The following SLC66A3 variants were observed in gnomAD, a reference collection of about 807,000 sequenced individuals.
SLC66A3 encodes solute carrier family 66 member 3.
In SLC66A3, 23 loss-of-function variants were observed where a neutral mutation model predicts 25.5. The observed-to-expected ratio is 0.90, with a 90% confidence interval of 0.65 to 1.28. The LOEUF (loss-of-function observed/expected upper bound fraction) is 1.28, where lower values mean the gene tolerates loss of function less well. Ranked by LOEUF, SLC66A3 falls within the 50% of genes most tolerant of loss-of-function variation. The probability of loss-of-function intolerance (pLI) is 0.00; values close to 1 mark genes in which losing one functional copy is unlikely to be tolerated. For synonymous variants in SLC66A3, 108 were observed against 112.6 expected (o/e 0.96, Z 0.26); for missense variants, 246 against 262.1 (o/e 0.94, Z 0.42).
At chr2:11,169,971 TGGGACTAC>T in intron 4 of SLC66A3, among the ~76,000 whole-genome samples, 1 of 150,300 alleles carries the variant, frequency 6.7e-6, no homozygotes, top group East Asian at 2.0e-4. Context: ...CCCGAGTAGC[TGGGACTAC>T]AGGCACGTGC....
intron 3 of SLC66A3, among the ~76,000 whole-genome samples, chr2:11,162,962 G>C (rs1487502153): frequency 1.3e-5 from 2 of 152,188 alleles, no homozygotes; most frequent in African/African-American, 4.8e-5. Context: ...TTATTGGCCA[G>C]GTGTAGCGGC....
At chr2:11,174,856 TTAAAAA>T (rs1326661588) in intron 5 of SLC66A3, 106 bp from the exon 6 acceptor site, 1 of 590,164 alleles carries the variant, frequency 1.7e-6, no homozygotes, top group African/African-American at 1.9e-5. Context: ...TAAAAATAAT[TTAAAAA>T]TAATGGTTAA....
intron 4 of SLC66A3, among the ~76,000 whole-genome samples, chr2:11,171,688 C>T (rs1662558419): frequency 6.6e-6 from 1 of 152,096 alleles, no homozygotes; most frequent in Admixed American, 6.6e-5. Flanking sequence ...CCTGCCTCAG[C>T]CTCCCGAGTA....
At chr2:11,167,360 T>C (rs1452989971) in intron 4 of SLC66A3, among the ~76,000 whole-genome samples, 6 of 152,050 alleles carry the variant, frequency 3.9e-5, no homozygotes, top group Non-Finnish European at 7.4e-5. Flanking sequence ...GGAGAATCGC[T>C]TGAACCCGGG....
chr2:11,170,831 C>T (rs1008680928), intron 4 of SLC66A3, among the ~76,000 whole-genome samples: 1 of 151,456 alleles, frequency 6.6e-6, no homozygotes, highest in Non-Finnish European at 1.5e-5. Context: ...CCTTGTGATT[C>T]GTCCGCCTCA....
chr2:11,165,225 G>T (rs181314178), intron 4 of SLC66A3, among the ~76,000 whole-genome samples: 4 of 150,834 alleles, frequency 2.7e-5, no homozygotes, highest in Non-Finnish European at 5.9e-5. Flanking sequence ...CTTCCCAGAC[G>T]GGCTGGCTGC....
At position 11,178,646 on chromosome 2, in the gene SLC66A3, G is replaced by A. The variant is rs1662856364; in HGVS notation, c.*818G>A. On this transcript the variant is annotated 3_prime_UTR_variant, in exon 7 of 7. Coordinates refer to ENST00000295083, the MANE Select transcript of SLC66A3 (RefSeq NM_152391.5). ...TAAATGGTGTTGTTAGGTAGGTTCT[G>A]TCCAGTTCTTAGGGACTTTTTTCAC... 6.6e-6 allele frequency: 1 copy of A among 152,474 alleles called. No individual in the cohort carries two copies. The allele number at this position is 152,474 out of a possible 1,614,324, so 9.4% of individuals were successfully genotyped here. A position where few individuals can be genotyped will look rare whatever the true frequency, so the allele number is the denominator to read the frequency against.
intron 4 of SLC66A3, among the ~76,000 whole-genome samples, chr2:11,168,484 A>C (rs1662431296): frequency 6.6e-6 from 1 of 152,192 alleles, no homozygotes; most frequent in South Asian, 2.1e-4. Context: ...AATCTGGTAG[A>C]ATATCTAGCA....
At chr2:11,164,836 G>T (rs573168755) in intron 4 of SLC66A3, among the ~76,000 whole-genome samples, 225 of 152,266 alleles carry the variant, frequency 1.5e-3, no homozygotes, top group African/African-American at 4.8e-3. Flanking sequence ...ACATGTTTCA[G>T]AGAGCACTGG....
chr2:11,157,952 C>T (rs550070640), intron 1 of SLC66A3, among the ~76,000 whole-genome samples: 19 of 152,338 alleles, frequency 1.2e-4, no homozygotes, highest in Admixed American at 7.2e-4. Flanking sequence ...TGCCTGCAGC[C>T]TTCCATGGAC....
At chr2:11,157,179 G>T (rs61366140) in intron 1 of SLC66A3, among the ~76,000 whole-genome samples, 290 of 152,312 alleles carry the variant, frequency 1.9e-3, no homozygotes, top group African/African-American at 6.6e-3. Flanking sequence ...GCTCCTATTA[G>T]ATCTGCCAGC....
At chr2:11,161,275 T>TTG (rs72534582) in intron 3 of SLC66A3, among the ~76,000 whole-genome samples, 163 of 148,396 alleles carry the variant, frequency 1.1e-3, no homozygotes, top group Middle Eastern at 6.8e-3. Flanking sequence ...TTTTTTTTTT[T>TTG]GTTTCATTTT....
chr2:11,177,884 G>T lies in SLC66A3; in HGVS notation c.*56G>T, dbSNP rs1450531327. The T allele has an allele frequency of 1.9e-6, 2 of 1,037,436 alleles. No homozygotes were observed. Among genetic ancestry groups the T allele is most frequent in the Non-Finnish European group, 2.9e-6 (2 of 688,002 alleles). 64.3% of individuals were successfully genotyped at this position (1,037,436 alleles called of 1,614,324 possible). A position where few individuals can be genotyped will look rare whatever the true frequency, so the allele number is the denominator to read the frequency against. On this transcript the variant is annotated 3_prime_UTR_variant, in exon 7 of 7. Transcript: ENST00000295083. Reference sequence around the variant, plus strand: ...TTGAGTAACTGAACCAAAGGAAAAAGAAGCTCTTTGCTAAATTAAGGTCTT... The same window carrying T: ...TTGAGTAACTGAACCAAAGGAAAAATAAGCTCTTTGCTAAATTAAGGTCTT...
At chr2:11,162,702 G>C (rs967590447) in intron 3 of SLC66A3, among the ~76,000 whole-genome samples, 5 of 152,186 alleles carry the variant, frequency 3.3e-5, no homozygotes, top group Admixed American at 2.6e-4. Flanking sequence ...CGCCTCCCGG[G>C]TTCACGCCAT....
At chr2:11,170,005 A>T (rs1420404589) in intron 4 of SLC66A3, among the ~76,000 whole-genome samples, 2 of 151,576 alleles carry the variant, frequency 1.3e-5, no homozygotes, top group Non-Finnish European at 2.9e-5. Context: ...CACCCAGCTA[A>T]TTTTTGTGTT....
chr2:11,163,543 T>G (rs2147988500), intron 3 of SLC66A3, among the ~76,000 whole-genome samples: 1 of 152,332 alleles, frequency 6.6e-6, no homozygotes, highest in Admixed American at 6.5e-5. Context: ...GCTACGTGCT[T>G]GTAGGCATTT....
chr2:11,168,346 T>C (rs1572189052), intron 4 of SLC66A3, among the ~76,000 whole-genome samples: 1 of 152,122 alleles, frequency 6.6e-6, no homozygotes, highest in East Asian at 1.9e-4. Flanking sequence ...GTTCCTGGAT[T>C]AGACTGTTTT....
At chr2:11,174,371 G>A (rs1662658612) in intron 5 of SLC66A3, among the ~76,000 whole-genome samples, 2 of 152,228 alleles carry the variant, frequency 1.3e-5, no homozygotes, top group Admixed American at 1.3e-4. Context: ...CACAGAGACA[G>A]TGGAAGGGAG....
chr2:11,174,363 C>T (rs990332546), intron 5 of SLC66A3, among the ~76,000 whole-genome samples: 18 of 152,232 alleles, frequency 1.2e-4, no homozygotes, highest in Admixed American at 1.3e-4. Context: ...CAGGTTAGCA[C>T]AGAGACAGTG....
Sources: gnomAD v4.1 joint callset for allele counts (sites outside exome capture counted in the v4.1 genomes callset) on GRCh38, gnomAD v4.1.1 for gene constraint, MANE v1.5 for transcripts, NCBI Gene and HGNC (gene_info 2026-07-23, HGNC 2026-07-21) for gene names.